The following METTL15 variants were observed in gnomAD, a reference collection of about 807,000 sequenced individuals.
METTL15 encodes methyltransferase 15, mitochondrial 12S rRNA N4-cytidine.
A neutral mutation model predicts 38.3 loss-of-function variants in METTL15; 34 were observed. That is an observed-to-expected ratio of 0.89 (90% CI 0.68 to 1.18). The LOEUF is 1.18. Among genes scored for constraint, METTL15 ranks in the 50% most tolerant of loss-of-function variants. METTL15 has a pLI of 0.00. For missense variants in METTL15, 438 were observed against 498.4 expected, an observed-to-expected ratio of 0.88 and a Z score of 1.15; for synonymous variants, 162 against 170.9, an observed-to-expected ratio of 0.95 and a Z score of 0.41.
At chr11:28,197,432 T>C (rs749921785) in intron 3 of METTL15, 1 of 346,468 alleles carries the variant, frequency 2.9e-6, no homozygotes, top group South Asian at 2.8e-5. Flanking sequence ...ATGACACTAC[T>C]TTTTTCAGAT....
chr11:28,325,966 T>C (rs891458843), intron 6 of METTL15, among the ~76,000 whole-genome samples: 8 of 152,256 alleles, frequency 5.3e-5, no homozygotes, highest in Admixed American at 2.6e-4. Context: ...ACAAAGTCCA[T>C]TGATGGACTA....
intron 5 of METTL15, among the ~76,000 whole-genome samples, chr11:28,295,939 G>A (rs748242715): frequency 5.3e-5 from 8 of 152,056 alleles, no homozygotes; most frequent in African/African-American, 1.4e-4. Context: ...TTTCTAATAC[G>A]TAAAGTCATA....
At chr11:28,339,588 A>T (rs1849932214) in intron 3 of METTL15, among the ~76,000 whole-genome samples, 2 of 151,816 alleles carry the variant, frequency 1.3e-5, no homozygotes, top group African/African-American at 4.8e-5. Flanking sequence ...AGTCTAACTC[A>T]GGTGTAATTG....
chr11:28,374,461 CTGTT>C (rs1415318884), intron 5 of METTL15, among the ~76,000 whole-genome samples: 3 of 146,708 alleles, frequency 2.0e-5, no homozygotes, highest in Non-Finnish European at 4.5e-5. Context: ...ATTTCGCTCT[CTGTT>C]TGTCTGTTGT....
intron 4 of METTL15, among the ~76,000 whole-genome samples, chr11:28,242,518 A>G (rs541801923): frequency 2.6e-5 from 4 of 152,338 alleles, no homozygotes; most frequent in Non-Finnish European, 5.9e-5. Context: ...TTCTAAAAGT[A>G]AGAAAATGAT....
intron 4 of METTL15, among the ~76,000 whole-genome samples, chr11:28,231,080 A>G (rs1397090477): frequency 6.6e-6 from 1 of 151,872 alleles, no homozygotes; most frequent in Non-Finnish European, 1.5e-5. Flanking sequence ...CTCTGTTAGC[A>G]TTGTTACTCA....
intron 4 of METTL15, among the ~76,000 whole-genome samples, chr11:28,217,317 G>C (rs893768178): frequency 2.0e-5 from 3 of 152,186 alleles, no homozygotes; most frequent in Non-Finnish European, 4.4e-5. Flanking sequence ...GGCCAGTGAT[G>C]ATGAGCATTT....
At chr11:28,489,244 C>G (rs986919232) in intron 6 of METTL15, among the ~76,000 whole-genome samples, 1 of 152,106 alleles carries the variant, frequency 6.6e-6, no homozygotes, top group African/African-American at 2.4e-5. Context: ...GGTACCCCAG[C>G]CCCTTCCTAT....
intron 5 of METTL15, among the ~76,000 whole-genome samples, chr11:28,362,687 A>G (rs1850150277): frequency 6.6e-6 from 1 of 152,204 alleles, no homozygotes; most frequent in Non-Finnish European, 1.5e-5. Flanking sequence ...ATATTGCACA[A>G]GGGGCATGAT....
intron 3 of METTL15, among the ~76,000 whole-genome samples, chr11:28,208,468 C>A (rs890898695): frequency 1.3e-5 from 2 of 151,678 alleles, no homozygotes; most frequent in African/African-American, 4.8e-5. Flanking sequence ...CACTGTGGTC[C>A]GAGAGACAGT....
chr11:28,151,233 T>A (rs1387767194), intron 3 of METTL15, among the ~76,000 whole-genome samples: 1 of 151,950 alleles, frequency 6.6e-6, no homozygotes, highest in Non-Finnish European at 1.5e-5. Context: ...TTAAAACTAT[T>A]AGCATACTTG....
At chr11:28,156,020 G>C (rs577531417) in intron 3 of METTL15, among the ~76,000 whole-genome samples, 2 of 152,288 alleles carry the variant, frequency 1.3e-5, no homozygotes, top group East Asian at 3.9e-4. Flanking sequence ...TACGACTGAA[G>C]TTGAAGACTG....
intron 6 of METTL15, among the ~76,000 whole-genome samples, chr11:28,498,677 C>T (rs1233738131): frequency 6.6e-6 from 1 of 152,164 alleles, no homozygotes; most frequent in Non-Finnish European, 1.5e-5. Context: ...GCCTACTTCC[C>T]ACTGTACTTT....
At chr11:28,324,345 T>C (rs1022253398) in intron 6 of METTL15, among the ~76,000 whole-genome samples, 18 of 152,144 alleles carry the variant, frequency 1.2e-4, no homozygotes, top group African/African-American at 4.3e-4. Context: ...TCATGTCTCA[T>C]TTTTTTCTGC....
At chr11:28,393,328 T>G (rs1436601066) in intron 5 of METTL15, among the ~76,000 whole-genome samples, 1 of 152,118 alleles carries the variant, frequency 6.6e-6, no homozygotes, top group Non-Finnish European at 1.5e-5. Flanking sequence ...ATACATACAA[T>G]GAAATATTTA....
intron 6 of METTL15, among the ~76,000 whole-genome samples, chr11:28,474,175 TA>T (rs1303260792): frequency 5.7e-5 from 5 of 86,966 alleles, no homozygotes; most frequent in Non-Finnish European, 2.7e-5. Context: ...AATCTATCCT[TA>T]ATAACAGAAA....
At chr11:28,251,543 C>T (rs918504665) in intron 4 of METTL15, among the ~76,000 whole-genome samples, 2 of 151,944 alleles carry the variant, frequency 1.3e-5, no homozygotes, top group Non-Finnish European at 2.9e-5. Context: ...AGACTTTTTT[C>T]ATAATAACTC....
intron 5 of METTL15, among the ~76,000 whole-genome samples, chr11:28,368,152 C>CAAAAAAAAAAAAAAAAAAAAAAAA (rs572862749): frequency 5.5e-5 from 6 of 108,690 alleles, no homozygotes; most frequent in African/African-American, 1.0e-4. Flanking sequence ...ACAAAAAAAA[C>CAAAAAAAAAAAAAAAAAAAAAAAA]AAAAAAAAAA....
chr11:28,468,303 T>C (rs1851274560), intron 6 of METTL15, among the ~76,000 whole-genome samples: 1 of 152,142 alleles, frequency 6.6e-6, no homozygotes, highest in African/African-American at 2.4e-5. Context: ...CCCTCACAAG[T>C]TGAGGGTAAC....
Sources: gnomAD v4.1 joint callset for allele counts (sites outside exome capture counted in the v4.1 genomes callset) on GRCh38, gnomAD v4.1.1 for gene constraint, MANE v1.5 for transcripts, NCBI Gene and HGNC (gene_info 2026-07-23, HGNC 2026-07-21) for gene names.